The following PPP1R1C variants were observed in gnomAD, a reference collection of about 807,000 sequenced individuals.
PPP1R1C encodes the protein protein phosphatase 1 regulatory subunit 1C.
Under a neutral mutation model 17.4 loss-of-function variants are expected in PPP1R1C, and 15 were observed. The ratio of observed to expected loss-of-function variants is 0.86; its 90% CI spans 0.58 to 1.33. The LOEUF is 1.33. Ranked by LOEUF, PPP1R1C falls within the 40% of genes most tolerant of loss-of-function variation. The probability of loss-of-function intolerance (pLI) is 0.00; values close to 1 mark genes in which losing one functional copy is unlikely to be tolerated. For missense variants in PPP1R1C, 143 were observed against 130.0 expected (o/e 1.10, Z -0.48); for synonymous variants, 35 against 43.1 (o/e 0.81, Z 0.73).
intron 2 of PPP1R1C, among the ~76,000 whole-genome samples, chr2:182,042,299 CTT>C (rs1216675492): frequency 2.0e-5 from 3 of 152,232 alleles, no homozygotes; most frequent in Admixed American, 1.3e-4. Context: ...AAATGAGTGA[CTT>C]AAAGTCTCTG....
At chr2:182,083,837 C>T (rs1688550017) in intron 4 of PPP1R1C, among the ~76,000 whole-genome samples, 1 of 152,166 alleles carries the variant, frequency 6.6e-6, no homozygotes, top group African/African-American at 2.4e-5. Flanking sequence ...CGAGAAATCT[C>T]CATACTGTTT....
At chr2:182,112,452 G>A (rs1191344757) in intron 4 of PPP1R1C, among the ~76,000 whole-genome samples, 1 of 152,074 alleles carries the variant, frequency 6.6e-6, no homozygotes, top group Admixed American at 6.6e-5. Context: ...AATATCTTCT[G>A]ATAATGAAAA....
chr2:181,962,486 A>G lies in PPP1R1C; in HGVS notation n.111+7852A>G. 3 of 688,440 alleles carry G rather than the reference A, an allele frequency of 4.4e-6. No individual in the cohort carries two copies. 42.6% of individuals were successfully genotyped at this position (688,440 alleles called of 1,614,324 possible). A position where few individuals can be genotyped will look rare whatever the true frequency, so the allele number is the denominator to read the frequency against. On this transcript the variant is annotated intron_variant and non_coding_transcript_variant, in intron 1 of 5. Coordinates refer to the PPP1R1C transcript ENST00000464264. This position sits in a 1 kb window ranked among gnomAD's most constrained non-coding sequence, Gnocchi z 6.0. The stretch of plus-strand genomic sequence containing the variant: ...GCGAGTGGTGAAGCTCATGCTATCC[A>G]GGGAGGAGAGTGAGAGGACAGGACT...
At chr2:182,108,770 A>ATC (rs1689330685) in intron 4 of PPP1R1C, among the ~76,000 whole-genome samples, 1 of 152,198 alleles carries the variant, frequency 6.6e-6, no homozygotes, top group Non-Finnish European at 1.5e-5. Context: ...GTTTTCCAGC[A>ATC]AATACTATTG....
At chr2:182,092,638 C>T (rs1688814659) in intron 4 of PPP1R1C, among the ~76,000 whole-genome samples, 2 of 152,154 alleles carry the variant, frequency 1.3e-5, no homozygotes, top group South Asian at 2.1e-4. Context: ...GCGGTACAGG[C>T]ATTGGTAAAT....
At chr2:181,975,356 A>G (rs747410402) in intron 2 of PPP1R1C, 1 of 152,022 alleles carries the variant, frequency 6.6e-6, no homozygotes, top group Non-Finnish European at 1.5e-5. Flanking sequence ...GTTTGCCTAC[A>G]TCAGTGATGG....
At chr2:182,080,198 A>C (rs1688432599) in intron 4 of PPP1R1C, among the ~76,000 whole-genome samples, 1 of 152,196 alleles carries the variant, frequency 6.6e-6, no homozygotes, top group African/African-American at 2.4e-5. Flanking sequence ...GTTTCACCTA[A>C]GTTACAGATT....
At chr2:182,012,859 A>G (rs1686127129) in intron 2 of PPP1R1C, among the ~76,000 whole-genome samples, 1 of 152,084 alleles carries the variant, frequency 6.6e-6, no homozygotes, top group African/African-American at 2.4e-5. Flanking sequence ...ACTGATTGCA[A>G]AAACAAACAA....
chr2:182,109,761 A>T (rs1689362860), intron 4 of PPP1R1C, among the ~76,000 whole-genome samples: 1 of 152,170 alleles, frequency 6.6e-6, no homozygotes, highest in Non-Finnish European at 1.5e-5. Flanking sequence ...AGTAAGTCTT[A>T]AACTAAAGTA....
intron 2 of PPP1R1C, among the ~76,000 whole-genome samples, chr2:182,029,419 ATC>A (rs1484679708): frequency 1.3e-5 from 2 of 151,740 alleles, no homozygotes; most frequent in Non-Finnish European, 2.9e-5. Flanking sequence ...TGGTGACCAA[ATC>A]TCTCAGCATT....
intron 2 of PPP1R1C, among the ~76,000 whole-genome samples, chr2:181,999,637 T>A (rs1685703871): frequency 6.6e-6 from 1 of 152,164 alleles, no homozygotes; most frequent in Non-Finnish European, 1.5e-5. Flanking sequence ...TATATCCCAA[T>A]ATGTATTTCA....
intron 2 of PPP1R1C, among the ~76,000 whole-genome samples, chr2:182,004,890 T>C (rs1309330876): frequency 6.6e-6 from 1 of 152,166 alleles, no homozygotes; most frequent in East Asian, 1.9e-4. Flanking sequence ...ATTAAAGCTA[T>C]AGATGCTGGG....
At chr2:182,095,235 G>A (rs1688897978) in intron 4 of PPP1R1C, among the ~76,000 whole-genome samples, 1 of 152,064 alleles carries the variant, frequency 6.6e-6, no homozygotes, top group Non-Finnish European at 1.5e-5. Context: ...AGAGGCAGAG[G>A]TTGCAGTGAG....
chr2:182,004,811 T>C (rs1217756518), intron 2 of PPP1R1C, among the ~76,000 whole-genome samples: 1 of 152,174 alleles, frequency 6.6e-6, no homozygotes, highest in Admixed American at 6.6e-5. Flanking sequence ...CATAGAGATT[T>C]AGTGAACTTA....
intron 1 of PPP1R1C, among the ~76,000 whole-genome samples, chr2:181,971,224 C>T (rs1685000587): frequency 6.6e-6 from 1 of 152,214 alleles, no homozygotes; most frequent in Non-Finnish European, 1.5e-5. Flanking sequence ...CCAAGGCCCA[C>T]AGCGAGTACT....
intron 4 of PPP1R1C, among the ~76,000 whole-genome samples, chr2:182,096,515 T>A (rs1476795003): frequency 1.3e-5 from 2 of 152,142 alleles, no homozygotes; most frequent in African/African-American, 4.8e-5. Context: ...CCCTACATGA[T>A]CTGGTGGCTC....
intron 1 of PPP1R1C, among the ~76,000 whole-genome samples, chr2:181,973,407 G>T (rs529878965): frequency 1.3e-5 from 2 of 152,286 alleles, no homozygotes; most frequent in East Asian, 3.9e-4. Context: ...CTAAACTGAA[G>T]CAACATAAGT....
chr2:182,054,880 C>T (rs1480543909), intron 2 of PPP1R1C, among the ~76,000 whole-genome samples: 2 of 152,066 alleles, frequency 1.3e-5, no homozygotes, highest in African/African-American at 4.8e-5. Context: ...AGGCTGGTCT[C>T]GAACTCCTGA....
chr2:182,086,420 A>C (rs1240213853), intron 4 of PPP1R1C, among the ~76,000 whole-genome samples: 1 of 152,164 alleles, frequency 6.6e-6, no homozygotes, highest in African/African-American at 2.4e-5. Flanking sequence ...GAAAAGATAC[A>C]CTCATGCATT....
Sources: gnomAD v4.1 joint callset for allele counts (sites outside exome capture counted in the v4.1 genomes callset) on GRCh38, gnomAD v4.1.1 for gene constraint, Gnocchi (gnomAD v3.1) non-coding constraint, MANE v1.5 for transcripts, NCBI Gene and HGNC (gene_info 2026-07-23, HGNC 2026-07-21) for gene names.